The following WNT10B variants were observed in gnomAD, a reference collection of about 807,000 sequenced individuals.
The protein encoded by WNT10B is Wnt family member 10B.
WNT10B carries 26 observed loss-of-function variants against 32.7 expected under a neutral mutation model. That is an observed-to-expected ratio of 0.79 (90% CI 0.58 to 1.10). WNT10B has a LOEUF of 1.10. WNT10B is among the 50% of genes least tolerant of loss of function. The probability of loss-of-function intolerance (pLI) is 0.00; values close to 1 mark genes in which losing one functional copy is unlikely to be tolerated. For missense variants in WNT10B, 474 were observed against 532.5 expected (o/e 0.89, Z 1.08); for synonymous variants, 204 against 220.4 (o/e 0.93, Z 0.66).
chr12:48,967,126 G>T (rs1940750496), intron 4 of WNT10B, among the ~76,000 whole-genome samples: 1 of 151,192 alleles, frequency 6.6e-6, no homozygotes, highest in Non-Finnish European at 1.5e-5. Context: ...GAGTAGCTGG[G>T]ATTACAGGCG....
intron 4 of WNT10B, among the ~76,000 whole-genome samples, chr12:48,967,490 G>A (rs1272747501): frequency 6.6e-6 from 1 of 151,544 alleles, no homozygotes; most frequent in African/African-American, 2.4e-5. Context: ...AATAGAGATG[G>A]GGTTTCTCCA....
In WNT10B at chr12:48,967,946, C is replaced by G; in HGVS notation, c.711G>C (p.Gln237His). 1 of 1,614,234 alleles carries G rather than the reference C, an allele frequency of 6.2e-7. No individual in the cohort carries two copies. The highest frequency in any genetic ancestry group is 8.5e-7 in the Non-Finnish European group (1 of 1,180,048). ...CCCAGGACAAGATGTACACACATACCTGGCGCCCCACCCTGTTGTTGTGGA... is the reference window on the plus strand; with the variant it reads ...CCCAGGACAAGATGTACACACATACGTGGCGCCCCACCCTGTTGTTGTGGA... ...MRIHNNRVGR[Q>H]VVTENLKRKC... Residue 237 changes from glutamine (Q) to histidine (H), a missense_variant and splice_region_variant, in exon 4 of 5, where the codon CAG becomes CAC. Physicochemically the swap from Gln to His is conservative, Grantham distance 24 (BLOSUM62 0). Coordinates refer to ENST00000301061, the MANE Select transcript of WNT10B (RefSeq NM_003394.4).
At position 48,968,085 on chromosome 12, in the gene WNT10B, T is replaced by G; in HGVS notation, c.572A>C (p.Gln191Pro). The part of the protein sequence containing the change: ...GPGSSPSPGP[Q>P]DTWEWGGCNH... ...ACAGCCACCCCATTCCCATGTGTCCTGGGGGCCAGGGCTGGGGCTTGAGCC... is the reference window on the plus strand; with the variant it reads ...ACAGCCACCCCATTCCCATGTGTCCGGGGGGCCAGGGCTGGGGCTTGAGCC... The change falls in exon 4 of 5, where the codon CAG becomes CCG. Residue 191 changes from glutamine (Q) to proline (P), a missense_variant. Transcript: ENST00000301061. 1.2e-6 allele frequency: 2 copies of G among 1,614,246 alleles called. No individual in the cohort carries two copies. Among genetic ancestry groups the G allele is most frequent in the Non-Finnish European group, 1.7e-6 (2 of 1,180,042 alleles).
chr12:48,966,432 C>T lies in WNT10B; in HGVS notation c.833G>A (p.Arg278Gln), dbSNP rs200834178. The T allele has an allele frequency of 6.2e-6, 10 of 1,613,930 alleles. No homozygotes were observed. Among genetic ancestry groups the T allele is most frequent in the Admixed American group, 1.7e-5 (1 of 60,012 alleles). Reference protein sequence around the residue: ...FRAVGAALRERLGRAIFIDTH... With the variant: ...FRAVGAALREQLGRAIFIDTH... ...ATCAATGAAGATGGCCCGGCCCAGC[C>T]GCTCCCTCAACGCCGCCCCCACTGC... Residue 278 changes from arginine to glutamine, a missense_variant, in exon 5 of 5, where the codon CGG (arginine) becomes CAG (glutamine). Arg to Gln is a conservative substitution (Grantham distance 43, BLOSUM62 1). Coordinates refer to ENST00000301061, the MANE Select transcript of WNT10B (RefSeq NM_003394.4).
rs747418697 is a variant in WNT10B, at chr12:48,968,038, C to T, written c.619G>A (p.Glu207Lys). The change falls in exon 4 of 5, where the codon GAG becomes AAG. Residue 207 changes from glutamate to lysine, a missense_variant. By Grantham distance (56) the Glu-to-Lys change is moderately conservative. Coordinates refer to ENST00000301061, the MANE Select transcript of WNT10B (RefSeq NM_003394.4). ...TCCAAGAAATCCCGAGAGAACTTCTCTCCAAAGTCCATGTCATGGTTACAG... is the reference window on the plus strand; with the variant it reads ...TCCAAGAAATCCCGAGAGAACTTCTTTCCAAAGTCCATGTCATGGTTACAG... ...GGCNHDMDFG[E>K]KFSRDFLDSR... 1.2e-6 allele frequency: 2 copies of T among 1,614,270 alleles called. No homozygotes were observed. The highest frequency in any genetic ancestry group is 8.5e-7 in the Non-Finnish European group (1 of 1,180,044).
In WNT10B at chr12:48,968,134, G is replaced by A. The variant is rs1940776648; in HGVS notation, c.523C>T (p.His175Tyr). 1 of 1,613,972 alleles carries A rather than the reference G, an allele frequency of 6.2e-7. No individual in the cohort carries two copies. Among genetic ancestry groups the A allele is most frequent in the Non-Finnish European group, 8.5e-7 (1 of 1,179,960 alleles). The change falls in exon 4 of 5, where the codon CAC becomes TAC. Residue 175 changes from histidine (H) to tyrosine (Y), a missense_variant. Transcript: ENST00000301061. Reference sequence around the variant, plus strand: ...CCAGGGCCAGGGCTGGGCAGAGAGTGGGGGAAACTCTTGCCTCGGGACAGT... The same window carrying A: ...CCAGGGCCAGGGCTGGGCAGAGAGTAGGGGAAACTCTTGCCTCGGGACAGT... The part of the protein sequence containing the change: ...QALSRGKSFP[H>Y]SLPSPGPGSS...
rs149192015 is a variant in WNT10B at position 48,968,259 on chromosome 12, G to A, written c.398C>T (p.Ala133Val). The change falls in exon 4 of 5, where the codon GCC becomes GTC. Residue 133 changes from alanine to valine, a missense_variant. Physicochemically the swap from Ala to Val is moderately conservative, Grantham distance 64 (BLOSUM62 0). Transcript: ENST00000301061. ...MLAAGVMHAVATACSLGKLVS... is the reference protein window; with the variant it reads ...MLAAGVMHAVVTACSLGKLVS... The stretch of plus-strand genomic sequence containing the variant: ...CAGCTTGCCCAGGCTGCAGGCCGTG[G>A]CTACTGCGTGCATGACCCCAGCAGC... 3 of 1,608,176 alleles carry A rather than the reference G, an allele frequency of 1.9e-6. No individual in the cohort carries two copies. The highest frequency in any genetic ancestry group is 2.7e-5 in the African/African-American group (2 of 74,942).
At chr12:48,967,191 A>G (rs1433779344) in intron 4 of WNT10B, among the ~76,000 whole-genome samples, 53 of 93,292 alleles carry the variant, frequency 5.7e-4, no homozygotes, top group Admixed American at 1.1e-3. Context: ...TTTGAGAGGG[A>G]GTCTTGCTCT....
Position 48,970,705 on chromosome 12 carries a change from G to A in WNT10B, c.-40-136C>T. The A allele has an allele frequency of 1.5e-6, 1 of 657,042 alleles. No individual in the cohort carries two copies. The highest frequency in any genetic ancestry group is 2.7e-6 in the Non-Finnish European group (1 of 377,216). The allele number at this position is 657,042 out of a possible 1,614,324, so 40.7% of individuals were successfully genotyped here. ...TCTCATTCCTCCTCAAACAAAACAA[G>A]AAGAAACACCCCTTGATTCCCAGAG... On this transcript the variant is annotated intron_variant, in intron 1 of 4. Coordinates refer to ENST00000301061, the MANE Select transcript of WNT10B (RefSeq NM_003394.4). The surrounding 1 kb of genome is among the most constrained non-coding windows in gnomAD (Gnocchi z 5.0).
chr12:48,966,421 C>T lies in WNT10B; in HGVS notation c.844G>A (p.Ala282Thr). 1 of 1,613,926 alleles carries T rather than the reference C, an allele frequency of 6.2e-7. No individual in the cohort carries two copies. The highest frequency in any genetic ancestry group is 1.3e-5 in the African/African-American group (1 of 75,044). The stretch of plus-strand genomic sequence containing the variant: ...CGGTTGTGGGTATCAATGAAGATGG[C>T]CCGGCCCAGCCGCTCCCTCAACGCC... ...GAALRERLGR[A>T]IFIDTHNRNS... The change falls in exon 5 of 5, where the codon GCC becomes ACC. Residue 282 changes from alanine to threonine, a missense_variant. Physicochemically the swap from Ala to Thr is moderately conservative, Grantham distance 58. Transcript: ENST00000301061.
intron 4 of WNT10B, among the ~76,000 whole-genome samples, chr12:48,967,303 C>T (rs1565715901): frequency 1.3e-5 from 2 of 151,930 alleles, no homozygotes; most frequent in South Asian, 2.1e-4. Context: ...GTAGCTGGGA[C>T]TACAGGGACA....
chr12:48,970,093 CTTGAGGATGG>C lies in WNT10B; in HGVS notation c.323_332del (p.Ala108GlyfsTer22). ...GACCCGCCCAGCCAGGCTCACCGCG[CTTGAGGATGG>C]CGCTGTGGTGCGGCAGGCGGCCGCC... On this transcript the variant is annotated frameshift_variant, in exon 3 of 5. Transcript: ENST00000301061. LOFTEE classifies it high-confidence loss of function. This position sits in a 1 kb window ranked among gnomAD's most constrained non-coding sequence, Gnocchi z 5.0. 1 of 1,521,214 alleles carries C rather than the reference CTTGAGGATGG, an allele frequency of 6.6e-7. No homozygotes were observed. The highest frequency in any genetic ancestry group is 8.8e-7 in the Non-Finnish European group (1 of 1,135,824). 94.2% of individuals were successfully genotyped at this position (1,521,214 alleles called of 1,614,324 possible).
At chr12:48,969,736 G>A (rs1455407135) in intron 3 of WNT10B, among the ~76,000 whole-genome samples, 11 of 151,866 alleles carry the variant, frequency 7.2e-5, no homozygotes, top group Non-Finnish European at 7.4e-5. Flanking sequence ...CCAAGATGGG[G>A]GGAGAGAAAA....
rs1940768259 is a variant in WNT10B, at chr12:48,967,949, G to A, written c.708C>T (p.Arg236=). ...AGGACAAGATGTACACACATACCTG[G>A]CGCCCCACCCTGTTGTTGTGGATTC... ...RMRIHNNRVG[R]QVVTENLKRK... Residue 236 remains arginine (R), a synonymous_variant, in exon 4 of 5, where the codon CGC becomes CGT. Transcript: ENST00000301061. The A allele has an allele frequency of 6.2e-7, 1 of 1,614,198 alleles. No individual in the cohort carries two copies. The highest frequency in any genetic ancestry group is 8.5e-7 in the Non-Finnish European group (1 of 1,180,044).
At position 48,966,418 on chromosome 12, in the gene WNT10B, T is replaced by G. The variant is rs766001857; in HGVS notation, c.847A>C (p.Ile283Leu). The G allele has an allele frequency of 6.2e-7, 1 of 1,613,918 alleles. No homozygotes were observed. Among genetic ancestry groups the G allele is most frequent in the South Asian group, 1.1e-5 (1 of 91,084 alleles). The change falls in exon 5 of 5, where the codon ATC (isoleucine) becomes CTC (leucine). Residue 283 changes from isoleucine (I) to leucine (L), a missense_variant. By Grantham distance (5) the Ile-to-Leu change is conservative (BLOSUM62 2). Coordinates refer to ENST00000301061, the MANE Select transcript of WNT10B (RefSeq NM_003394.4). Reference protein sequence around the residue: ...AALRERLGRAIFIDTHNRNSG... With the variant: ...AALRERLGRALFIDTHNRNSG... ...TTGCGGTTGTGGGTATCAATGAAGA[T>G]GGCCCGGCCCAGCCGCTCCCTCAAC...
intron 4 of WNT10B, 72 bp downstream of exon 4, chr12:48,967,874 T>G: frequency 6.3e-7 from 1 of 1,583,494 alleles, no homozygotes; most frequent in Non-Finnish European, 8.6e-7. Context: ...ATCCTATCAT[T>G]TCCCTATGCC....
rs1348975785 is a variant in WNT10B at position 48,970,485 on chromosome 12, C to T, written c.45G>A (p.Ala15=). Reference sequence around the variant, plus strand: ...TGCACAACGCCAGGAACAGGAGACCCGCGAGGCCCGAGGGCGGAGGCCGCG... The same window carrying T: ...TGCACAACGCCAGGAACAGGAGACCTGCGAGGCCCGAGGGCGGAGGCCGCG... The part of the protein sequence containing the change: ...PRPRPPPSGL[A]GLLFLALCSR... The change falls in exon 2 of 5, where the codon GCG becomes GCA. Residue 15 remains alanine, a synonymous_variant. Transcript: ENST00000301061. This position sits in a 1 kb window ranked among gnomAD's most constrained non-coding sequence, Gnocchi z 5.0. The T allele has an allele frequency of 6.2e-7, 1 of 1,611,366 alleles. No homozygotes were observed. Among genetic ancestry groups the T allele is most frequent in the Non-Finnish European group, 8.5e-7 (1 of 1,179,014 alleles).
Position 48,969,680 on chromosome 12 carries a change from C to G in WNT10B, c.337+409G>C, listed in dbSNP as rs566827409. Among the ~76,000 whole-genome samples, 7 of 152,168 alleles carry G rather than the reference C, an allele frequency of 4.6e-5. 1 individual carries two copies. Among genetic ancestry groups the G allele is most frequent in the Admixed American group, 2.0e-4 (3 of 15,296 alleles). On this transcript the variant is annotated intron_variant, in intron 3 of 4. Transcript: ENST00000301061. ...ACCCTTAAACGGTTGGGGGCGTCAC[C>G]CCACCCCCGCTGAGACACTGGGGAC... is the stretch of plus-strand genomic sequence containing the variant.
In WNT10B at chr12:48,965,390, C is replaced by T. The variant is rs1940712410; in HGVS notation, c.*705G>A. On this transcript the variant is annotated 3_prime_UTR_variant, in exon 5 of 5. Coordinates refer to ENST00000301061, the MANE Select transcript of WNT10B (RefSeq NM_003394.4). ...TCAAACAGGAACCAAGAACAAGTCT[C>T]AGTATGATAAATTATCCCTTCCCAC... The T allele has an allele frequency of 6.6e-6, 1 of 152,646 alleles. No homozygotes were observed. 9.5% of individuals were successfully genotyped at this position (152,646 alleles called of 1,614,324 possible).
Sources: gnomAD v4.1 joint callset for allele counts (sites outside exome capture counted in the v4.1 genomes callset) on GRCh38, gnomAD v4.1.1 for gene constraint, Gnocchi (gnomAD v3.1) non-coding constraint, MANE v1.5 for transcripts, NCBI Gene and HGNC (gene_info 2026-07-23, HGNC 2026-07-21) for gene names.